FAM161A: variants seen among roughly 807,000 people sequenced by gnomAD.
FAM161A encodes the protein protein FAM161A.
A neutral mutation model predicts 70.9 loss-of-function variants in FAM161A; 57 were observed. The observed-to-expected ratio is 0.80, with a 90% CI of 0.65 to 1.00. FAM161A has a LOEUF of 1.00. Among genes scored for constraint, FAM161A ranks in the 50% least tolerant of loss-of-function variants. The pLI is 0.00. For missense variants in FAM161A, 880 were observed against 836.0 expected (o/e 1.05, Z -0.65); for synonymous variants, 299 against 295.7 (o/e 1.01, Z -0.12).
the FAM161A span, among the ~76,000 whole-genome samples, chr2:61,807,251 C>A: frequency 6.6e-6 from 1 of 150,816 alleles, no homozygotes; most frequent in African/African-American, 2.4e-5. Context: ...CAAGTTAGTT[C>A]TTGAAATGAA....
At chr2:61,819,359 G>T in the FAM161A span, among the ~76,000 whole-genome samples, 1 of 152,156 alleles carries the variant, frequency 6.6e-6, no homozygotes, top group Non-Finnish European at 1.5e-5. Context: ...AGCTACTCAG[G>T]AGGCTGAGGA....
At chr2:61,810,052 C>T in the FAM161A span, among the ~76,000 whole-genome samples, 11 of 152,172 alleles carry the variant, frequency 7.2e-5, no homozygotes, top group African/African-American at 1.7e-4. Context: ...CCAGGCAAGA[C>T]CAGCAGAAAA....
At chr2:61,849,412 G>A (rs1673418437) in intron 1 of FAM161A, among the ~76,000 whole-genome samples, 1 of 151,352 alleles carries the variant, frequency 6.6e-6, no homozygotes, top group Admixed American at 6.6e-5. Flanking sequence ...GGCCGAGGAG[G>A]GCGAATTGCT....
intron 5 of FAM161A, among the ~76,000 whole-genome samples, chr2:61,832,242 C>T (rs1217156764): frequency 7.3e-6 from 1 of 137,312 alleles, no homozygotes; most frequent in Non-Finnish European, 1.5e-5. Context: ...GACCCTGTCA[C>T]ACACACACAA....
intron 1 of FAM161A, among the ~76,000 whole-genome samples, chr2:61,845,421 C>G (rs1673169119): frequency 6.6e-6 from 1 of 152,114 alleles, no homozygotes; most frequent in Non-Finnish European, 1.5e-5. Flanking sequence ...ACCAGGTGAC[C>G]AGTGACCAGG....
chr2:61,832,357 T>C (rs1055629893), intron 5 of FAM161A, among the ~76,000 whole-genome samples: 1 of 152,104 alleles, frequency 6.6e-6, no homozygotes, highest in Non-Finnish European at 1.5e-5. Flanking sequence ...GGAAGCATTC[T>C]GGAAATTATG....
intron 1 of FAM161A, among the ~76,000 whole-genome samples, chr2:61,843,515 AAC>A (rs1230099109): frequency 6.6e-6 from 1 of 152,198 alleles, no homozygotes; most frequent in Non-Finnish European, 1.5e-5. Flanking sequence ...TCAGTTGAGA[AAC>A]AGTTGAAATT....
rs537435795 is a variant in FAM161A at position 61,832,609 on chromosome 2, C to T, written c.1851+3401G>A. Among the ~76,000 whole-genome samples the T allele has an allele frequency of 2.6e-5, 4 of 152,254 alleles. No homozygotes were observed. The East Asian group carries it at 7.7e-4, about 29-fold the overall frequency. On this transcript the variant is annotated intron_variant, in intron 5 of 6. Coordinates refer to ENST00000404929, the MANE Select transcript of FAM161A (RefSeq NM_001201543.2). ...GTACGGGTCTGTGGCCTGTTAGGAA[C>T]CAGGCTGCACAGCAGGAAGTGAGCA...
rs373449564 is a variant in FAM161A, at chr2:61,836,089, A to G, written c.1772T>C (p.Met591Thr). 3 of 1,609,618 alleles carry G rather than the reference A, an allele frequency of 1.9e-6. No homozygotes were observed. In the African/African-American group the frequency reaches 4.0e-5, roughly 22 times the overall value. Residue 591 changes from methionine (M) to threonine (T), a missense_variant, in exon 5 of 7, where the codon ATG becomes ACG. Coordinates refer to ENST00000404929, the MANE Select transcript of FAM161A (RefSeq NM_001201543.2). ...KCLRKSEKER[M>T]REYQRELEER... The stretch of plus-strand genomic sequence containing the variant: ...TTCTAGTTCTCGTTGGTATTCTCTC[A>G]TCCTTTCCTTTTCGCTCTTTCTAAA...
downstream of FAM161A, among the ~76,000 whole-genome samples, chr2:61,823,241 G>A (rs1335213537): frequency 6.6e-6 from 1 of 150,876 alleles, no homozygotes; most frequent in Non-Finnish European, 1.5e-5. Flanking sequence ...GTGGAGGCAG[G>A]AGAATCACTT....
the FAM161A span, among the ~76,000 whole-genome samples, chr2:61,813,723 AAAAAAAAAAAAAG>A: frequency 1.4e-4 from 20 of 143,466 alleles, no homozygotes; most frequent in Non-Finnish European, 4.6e-5. Flanking sequence ...TGTCTCAAAA[AAAAAAAAAAAAAG>A]AAAAAAGAAA....
downstream of FAM161A, among the ~76,000 whole-genome samples, chr2:61,824,193 ATTTT>A: frequency 7.8e-6 from 1 of 127,810 alleles, no homozygotes; most frequent in African/African-American, 2.9e-5. Flanking sequence ...CGCCTGGCTA[ATTTT>A]TTTTTTTTTT....
the FAM161A span, among the ~76,000 whole-genome samples, chr2:61,815,983 T>G: frequency 1.3e-5 from 2 of 152,170 alleles, no homozygotes; most frequent in Admixed American, 6.6e-5. Context: ...ATCCTTAGGC[T>G]TCTATGGAAA....
chr2:61,810,151 G>A, the FAM161A span, among the ~76,000 whole-genome samples: 1 of 152,144 alleles, frequency 6.6e-6, no homozygotes, highest in Admixed American at 6.6e-5. Flanking sequence ...ATGTTTTGGG[G>A]GTGGCTTATT....
rs1673335903 is a variant in FAM161A at position 61,848,862 on chromosome 2, TTATATATATATTTATATATATATTTA to T, written c.183+4971_183+4996del. Among the ~76,000 whole-genome samples, 5 of 3,464 alleles carry T rather than the reference TTATATATATATTTATATATATATTTA, an allele frequency of 1.4e-3. 1 individual carries two copies. The highest frequency in any genetic ancestry group is 4.2e-3 in the African/African-American group (4 of 942). The allele number at this position is 3,464 out of a possible 152,430, so 2.3% of individuals were successfully genotyped here. ...TTTATATATATATTTATATATATAT[TTATATATATATTTATATATATATTTA>T]TATATATTTATATATATATTTATAT... On this transcript the variant is annotated intron_variant, in intron 1 of 6. Coordinates refer to ENST00000404929, the MANE Select transcript of FAM161A (RefSeq NM_001201543.2).
rs1572879569 is a variant in FAM161A at position 61,840,061 on chromosome 2, T to A, written c.943A>T (p.Lys315Ter). The change falls in exon 3 of 7, where the codon AAA (lysine) becomes TAA (stop). Residue 315 changes from lysine to a stop codon, truncating the protein, a stop_gained. Transcript: ENST00000404929. LOFTEE classifies it high-confidence loss of function. Reference protein sequence around the residue: ...ERRRSLKEKSKEALLASQKPF... With the variant: ...ERRRSLKEKS The stretch of plus-strand genomic sequence containing the variant: ...TTTTGTGAGGCCAAAAGAGCTTCTT[T>A]GCTTTTCTCCTTCAGAGACCTTCTC... 1 of 1,614,238 alleles carries A rather than the reference T, an allele frequency of 6.2e-7. No individual in the cohort carries two copies. Among genetic ancestry groups the A allele is most frequent in the South Asian group, 1.1e-5 (1 of 91,086 alleles).
At chr2:61,809,150 G>A in the FAM161A span, among the ~76,000 whole-genome samples, 8 of 152,172 alleles carry the variant, frequency 5.3e-5, no homozygotes, top group Non-Finnish European at 7.3e-5. Context: ...TGGGATTACA[G>A]GCATGAGCCA....
In FAM161A at chr2:61,825,097, G is replaced by C; in HGVS notation, c.*1358C>G. On this transcript the variant is annotated 3_prime_UTR_variant, in exon 7 of 7. Coordinates refer to ENST00000404929, the MANE Select transcript of FAM161A (RefSeq NM_001201543.2). ...CATAAATTGCCAGTTTGGAAACACTGCTATTACATACACCTGTATTAGTTC... is the reference window on the plus strand; with the variant it reads ...CATAAATTGCCAGTTTGGAAACACTCCTATTACATACACCTGTATTAGTTC... The C allele has an allele frequency of 2.2e-6, 1 of 453,704 alleles. No individual in the cohort carries two copies. The highest frequency in any genetic ancestry group is 1.6e-5 in the South Asian group (1 of 64,154). The allele number at this position is 453,704 out of a possible 1,614,324, so 28.1% of individuals were successfully genotyped here.
chr2:61,831,111 CAA>C (rs11366022), intron 5 of FAM161A, among the ~76,000 whole-genome samples: 1,835 of 108,510 alleles, frequency 0.017, 12 homozygotes, highest in African/African-American at 0.022. Flanking sequence ...GACGCCTTCT[CAA>C]AAAAAAAAAA....
Sources: allele counts gnomAD v4.1 joint callset (sites outside exome capture counted in the v4.1 genomes callset), GRCh38; gene constraint gnomAD v4.1.1; transcripts MANE v1.5; gene names NCBI Gene and HGNC (gene_info 2026-07-23, HGNC 2026-07-21).